The following SLC5A11 variants were observed in gnomAD, a reference collection of about 807,000 sequenced individuals.
The protein encoded by SLC5A11 is solute carrier family 5 member 11, also known as sodium/myo-inositol cotransporter 2.
In SLC5A11, 48 loss-of-function variants were observed where a neutral mutation model predicts 69.8. That is an observed-to-expected ratio of 0.69 (90% confidence interval 0.55 to 0.87). The LOEUF is 0.87. Among genes scored for constraint, SLC5A11 ranks in the 40% least tolerant of loss-of-function variants. SLC5A11 has a pLI of 0.00. For synonymous variants in SLC5A11, 319 were observed against 342.4 expected (o/e 0.93, Z 0.75); for missense variants, 784 against 866.1 (o/e 0.91, Z 1.19).
chr16:24,877,220 C>T (rs759686654), intron 6 of SLC5A11, 38 bp from the exon 8 acceptor site: 31 of 1,607,828 alleles, frequency 1.9e-5, no homozygotes, highest in South Asian at 2.2e-5. Context: ...TTCATTCATT[C>T]GTTCATTTGT....
At chr16:24,868,644 A>G (rs535134469) in intron 3 of SLC5A11, among the ~76,000 whole-genome samples, 58 of 151,942 alleles carry the variant, frequency 3.8e-4, no homozygotes, top group Non-Finnish European at 6.3e-4. Context: ...AAAACTTACT[A>G]CAACGCTACA....
At chr16:24,862,782 G>A (rs1343762592) in intron 3 of SLC5A11, 110 bp downstream of exon 4, 4 of 904,644 alleles carry the variant, frequency 4.4e-6, no homozygotes, top group Non-Finnish European at 4.9e-6. Context: ...TCGTTTGGAA[G>A]TCATTGTCTA....
At chr16:24,880,366 C>A (rs2047960069) in intron 7 of SLC5A11, among the ~76,000 whole-genome samples, 4 of 152,166 alleles carry the variant, frequency 2.6e-5, no homozygotes, top group African/African-American at 9.6e-5. Flanking sequence ...GAGATGGAGA[C>A]TTACTCTTTC....
chr16:24,866,874 T>A (rs561541949), intron 3 of SLC5A11, among the ~76,000 whole-genome samples: 3 of 152,150 alleles, frequency 2.0e-5, no homozygotes, highest in East Asian at 1.9e-4. Context: ...AGACTCCCAA[T>A]ATATATGAAG....
At chr16:24,863,125 T>C (rs1346517069) in intron 3 of SLC5A11, among the ~76,000 whole-genome samples, 10 of 146,976 alleles carry the variant, frequency 6.8e-5, no homozygotes, top group Non-Finnish European at 8.9e-5. Flanking sequence ...TATGTAAATA[T>C]ATATGTATAA....
At chr16:24,891,974 T>C (rs778565393) in intron 9 of SLC5A11, among the ~76,000 whole-genome samples, 2 of 149,284 alleles carry the variant, frequency 1.3e-5, no homozygotes, top group Non-Finnish European at 3.0e-5. Context: ...TCACACACTT[T>C]AGGATGCTGA....
chr16:24,890,797 T>G (rs1400824680), intron 8 of SLC5A11, 72 bp from the exon 10 acceptor site: 1 of 1,443,734 alleles, frequency 6.9e-7, no homozygotes, highest in Non-Finnish European at 9.7e-7. Context: ...TTCACCAGTC[T>G]CCAGCCATCT....
intron 4 of SLC5A11, 24 bp from the exon 6 acceptor site, chr16:24,872,136 T>C (rs759479014): frequency 6.2e-7 from 1 of 1,614,116 alleles, no homozygotes. Flanking sequence ...GGGGGCCAAG[T>C]CCTGACTGTG....
chr16:24,865,541 A>C (rs945593584), intron 3 of SLC5A11, among the ~76,000 whole-genome samples: 3 of 152,204 alleles, frequency 2.0e-5, no homozygotes, highest in Non-Finnish European at 4.4e-5. Flanking sequence ...TGGGTGACAG[A>C]GTGAGACTCC....
At chr16:24,896,765 C>T (rs2049194913) in intron 9 of SLC5A11, among the ~76,000 whole-genome samples, 1 of 152,022 alleles carries the variant, frequency 6.6e-6, no homozygotes, top group Admixed American at 6.6e-5. Context: ...CTGCCTGTCT[C>T]TGATACTACA....
intron 1 of SLC5A11, among the ~76,000 whole-genome samples, chr16:24,855,824 C>T (rs1442321249): frequency 6.6e-6 from 1 of 152,196 alleles, no homozygotes; most frequent in Admixed American, 6.5e-5. Flanking sequence ...ACAGCTCGAT[C>T]TTGGACTTTC....
At position 24,875,701 on chromosome 16, in the gene SLC5A11, C is replaced by A; in HGVS notation, c.447C>A (p.Tyr149Ter). Reference sequence around the variant, plus strand: ...TCCCCATCATCCTGGCTGTACTCTACCTATTTATCTACATCTTCACCAAGA... The same window carrying A: ...TCCCCATCATCCTGGCTGTACTCTAACTATTTATCTACATCTTCACCAAGA... The change falls in exon 6 of 16, where the codon TAC (tyrosine) becomes TAA (stop). Residue 149 changes from tyrosine (Y) to a stop codon, truncating the protein, a stop_gained. Coordinates refer to ENST00000347898, the Ensembl canonical transcript of SLC5A11. LOFTEE classifies it high-confidence loss of function. 6.2e-7 allele frequency: 1 copy of A among 1,613,948 alleles called. No homozygotes were observed. Among genetic ancestry groups the A allele is most frequent in the Non-Finnish European group, 8.5e-7 (1 of 1,179,964 alleles).
chr16:24,906,759 C>T (rs1597304418), exon 11 of SLC5A11: 1 of 1,611,230 alleles, frequency 6.2e-7, no homozygotes, highest in East Asian at 2.2e-5. Flanking sequence ...GAACTCCTGC[C>T]CACAGGTAAT....
In SLC5A11 at chr16:24,891,088, G is replaced by A. The variant is rs775161359; in HGVS notation, c.870+14G>A. 6.2e-7 allele frequency: 1 copy of A among 1,606,044 alleles called. No individual in the cohort carries two copies. On this transcript the variant is annotated intron_variant, in intron 9 of 15. Coordinates refer to ENST00000347898, the Ensembl canonical transcript of SLC5A11. ...TGCACGGATCAGGTACAGGACAGTG[G>A]CCTGAGCAAGTTTTTCCTTCTCTTT...
At chr16:24,856,727 G>A (rs1251817599) in intron 1 of SLC5A11, among the ~76,000 whole-genome samples, 1 of 150,480 alleles carries the variant, frequency 6.6e-6, no homozygotes, top group Non-Finnish European at 1.5e-5. Context: ...GCCGAGATCA[G>A]GCCACTGCAC....
chr16:24,884,509 TTTTG>T (rs1243165141), intron 8 of SLC5A11, among the ~76,000 whole-genome samples: 8 of 84,322 alleles, frequency 9.5e-5, no homozygotes, highest in East Asian at 3.9e-4. Context: ...TGCTTTTTTA[TTTTG>T]TTTTTTTTTT....
chr16:24,892,829 C>T (rs76993461), intron 9 of SLC5A11, among the ~76,000 whole-genome samples: 214 of 152,190 alleles, frequency 1.4e-3, no homozygotes, highest in African/African-American at 4.8e-3. Flanking sequence ...CTCCTTTGAG[C>T]GGAGAGCTAA....
intron 7 of SLC5A11, among the ~76,000 whole-genome samples, chr16:24,878,469 T>G (rs2047830359): frequency 6.6e-6 from 1 of 152,230 alleles, no homozygotes; most frequent in Admixed American, 6.5e-5. Context: ...CCTCTTGGCT[T>G]GATATAACTC....
rs1377870002 is a variant in SLC5A11, at chr16:24,862,668, G to A, written c.203G>A (p.Trp68Ter). The A allele has an allele frequency of 5.0e-6, 8 of 1,613,076 alleles. No individual in the cohort carries two copies. Among genetic ancestry groups the A allele is most frequent in the South Asian group, 4.4e-5 (4 of 91,006 alleles). ...CTGGCTGGAGGGGACATGGTGTGGT[G>A]GCCAGTAAGTGGTCTTTGGTTCAAT... Residue 68 changes from tryptophan (W) to a stop codon, truncating the protein, a stop_gained, in exon 3 of 16, where the codon TGG becomes TAG. Coordinates refer to ENST00000347898, the Ensembl canonical transcript of SLC5A11. LOFTEE classifies it high-confidence loss of function.
Sources: gnomAD v4.1 joint callset for allele counts (sites outside exome capture counted in the v4.1 genomes callset) on GRCh38, gnomAD v4.1.1 for gene constraint, MANE v1.5 for transcripts, NCBI Gene and HGNC (gene_info 2026-07-23, HGNC 2026-07-21) for gene names.